Variants in GRIK1 observed in about 807,000 individuals in gnomAD.
The protein encoded by GRIK1 is glutamate ionotropic receptor kainate type subunit 1.
In GRIK1, 69 loss-of-function variants were observed where a neutral mutation model predicts 105.7. That is an observed-to-expected ratio of 0.65 (90% confidence interval 0.54 to 0.80). GRIK1 has a LOEUF of 0.80. Ranked by LOEUF, GRIK1 falls within the 30% of genes least tolerant of loss-of-function variation. The pLI, the probability that GRIK1 is intolerant of heterozygous loss-of-function variation, is 0.00. For synonymous variants in GRIK1, 438 were observed against 431.3 expected, an observed-to-expected ratio of 1.02 and a Z score of -0.19; for missense variants, 1,109 against 1,167.3, an observed-to-expected ratio of 0.95 and a Z score of 0.73.
In GRIK1 at chr21:29,661,439, CT is replaced by C. The variant is rs560964889; in HGVS notation, c.727-6577del. On this transcript the variant is annotated intron_variant, in intron 4 of 17. Coordinates refer to ENST00000327783, the MANE Select transcript of GRIK1 (RefSeq NM_001330994.2). ...GTAGTCACAATGAAAACAGCAGGGT[CT>C]TAAGGCAGAGAAGGTGTAAATGGGA... Among the ~76,000 whole-genome samples, 4 of 152,000 alleles carry C rather than the reference CT, an allele frequency of 2.6e-5. No individual in the cohort carries two copies. The South Asian group carries it at 8.3e-4, about 32-fold the overall frequency.
At chr21:29,686,294 C>T (rs954446701) in intron 3 of GRIK1, among the ~76,000 whole-genome samples, 2 of 152,106 alleles carry the variant, frequency 1.3e-5, no homozygotes, top group African/African-American at 4.8e-5. Flanking sequence ...ATCTGTTCCC[C>T]CAACACTTCT....
At chr21:29,716,233 A>G (rs2064173962) in intron 1 of GRIK1, among the ~76,000 whole-genome samples, 2 of 152,180 alleles carry the variant, frequency 1.3e-5, no homozygotes, top group South Asian at 4.1e-4. Context: ...CATCTCAGGT[A>G]TTTCTTCATG....
At chr21:29,612,860 A>G (rs1490652421) in intron 7 of GRIK1, among the ~76,000 whole-genome samples, 1 of 152,230 alleles carries the variant, frequency 6.6e-6, no homozygotes, top group Non-Finnish European at 1.5e-5. Flanking sequence ...TAAACCTGAC[A>G]TTGTAAACAA....
Position 29,693,900 on chromosome 21 carries a change from C to T in GRIK1, c.282G>A (p.Arg94=), listed in dbSNP as rs758529359. The T allele has an allele frequency of 1.2e-6, 2 of 1,611,220 alleles. No homozygotes were observed. Among genetic ancestry groups the T allele is most frequent in the Non-Finnish European group, 1.7e-6 (2 of 1,177,662 alleles). The change falls in exon 2 of 18, where the codon CGG becomes CGA. Residue 94 remains arginine, a synonymous_variant. Coordinates refer to ENST00000327783, the MANE Select transcript of GRIK1 (RefSeq NM_001330994.2). The part of the protein sequence containing the change: ...INLFDSFEAS[R]RACDQLALGV... Reference sequence around the variant, plus strand: ...TAAAAGTGGGAAAATAGTTACCTCTCCGCGAGGCTTCAAAACTATCAAAAA... The same window carrying T: ...TAAAAGTGGGAAAATAGTTACCTCTTCGCGAGGCTTCAAAACTATCAAAAA...
intron 9 of GRIK1, among the ~76,000 whole-genome samples, chr21:29,594,043 C>G (rs1458242164): frequency 1.3e-5 from 2 of 152,320 alleles, no homozygotes; most frequent in East Asian, 3.9e-4. Flanking sequence ...GAGGGACCTA[C>G]AGAAGGTCCT....
At chr21:29,576,306 C>T (rs1428839443) in intron 14 of GRIK1, among the ~76,000 whole-genome samples, 1 of 152,144 alleles carries the variant, frequency 6.6e-6, no homozygotes, top group African/African-American at 2.4e-5. Context: ...ATTAAAAAGA[C>T]CTCAACAATG....
intron 14 of GRIK1, among the ~76,000 whole-genome samples, chr21:29,575,811 G>A (rs1208845250): frequency 6.6e-6 from 1 of 152,050 alleles, no homozygotes; most frequent in Admixed American, 6.6e-5. Context: ...CAGCCTGGGC[G>A]ACAGAGCGAG....
chr21:29,612,767 C>G (rs2061757420), intron 7 of GRIK1, among the ~76,000 whole-genome samples: 1 of 152,180 alleles, frequency 6.6e-6, no homozygotes, highest in Admixed American at 6.5e-5. Context: ...CAAAAAGAAT[C>G]ACATTGCATT....
At chr21:29,662,606 T>A (rs1198219031) in intron 4 of GRIK1, among the ~76,000 whole-genome samples, 1 of 152,126 alleles carries the variant, frequency 6.6e-6, no homozygotes, top group Admixed American at 6.5e-5. Flanking sequence ...CAAATTTGCT[T>A]GAAAGTCACC....
At chr21:29,697,561 G>T in intron 1 of GRIK1, among the ~76,000 whole-genome samples, 1 of 152,030 alleles carries the variant, frequency 6.6e-6, no homozygotes, top group Non-Finnish European at 1.5e-5. Context: ...TTCAAGAGAG[G>T]GTTGCGGATA....
At chr21:29,801,093 C>G (rs2066695611) in intron 1 of GRIK1, among the ~76,000 whole-genome samples, 1 of 151,968 alleles carries the variant, frequency 6.6e-6, no homozygotes. Flanking sequence ...TGTTGAGTAC[C>G]TTGTTGAAGA....
intron 7 of GRIK1, among the ~76,000 whole-genome samples, 161 bp from the exon 8 acceptor site, chr21:29,599,098 A>G (rs2061470208): frequency 6.6e-6 from 1 of 152,256 alleles, no homozygotes; most frequent in African/African-American, 2.4e-5. Flanking sequence ...ATAGCAGAAC[A>G]CATCGTCTTT....
chr21:29,684,325 A>G (rs1158073583), intron 3 of GRIK1, among the ~76,000 whole-genome samples: 1 of 151,976 alleles, frequency 6.6e-6, no homozygotes, highest in African/African-American at 2.4e-5. Flanking sequence ...TCATATATCT[A>G]TTTAGCTGTC....
At chr21:29,812,445 C>A (rs1397990135) in intron 1 of GRIK1, among the ~76,000 whole-genome samples, 1 of 152,076 alleles carries the variant, frequency 6.6e-6, no homozygotes, top group African/African-American at 2.4e-5. Flanking sequence ...GCCATTTGTT[C>A]TTTTTTTAAA....
At chr21:29,618,888 G>C (rs895083078) in intron 7 of GRIK1, among the ~76,000 whole-genome samples, 1 of 152,182 alleles carries the variant, frequency 6.6e-6, no homozygotes, top group Non-Finnish European at 1.5e-5. Flanking sequence ...AGCACTTTGG[G>C]AGGCCGAGGT....
chr21:29,805,912 G>A (rs2066851062), intron 1 of GRIK1, among the ~76,000 whole-genome samples: 3 of 152,100 alleles, frequency 2.0e-5, no homozygotes, highest in Admixed American at 6.6e-5. Context: ...TCATAAATCA[G>A]CATTTCTCCA....
chr21:29,553,523 T>C (rs199875310), intron 16 of GRIK1: 1 of 1,512,612 alleles, frequency 6.6e-7, no homozygotes, highest in African/African-American at 1.4e-5. Context: ...CATTTTCTAC[T>C]GGGCACATCT....
rs183143087 is a variant in GRIK1, at chr21:29,783,626, G to C, written c.119-89563C>G. ...TGAACTCAGTGAGATCAGTAACATA[G>C]GGTTCTGGCTTATATTTTTCCAGCC... On this transcript the variant is annotated intron_variant, in intron 1 of 17. Coordinates refer to ENST00000327783, the MANE Select transcript of GRIK1 (RefSeq NM_001330994.2). 3.2e-3 allele frequency among the ~76,000 whole-genome samples: 485 copies of C among 152,084 alleles called. 3 individuals are homozygous for C. Among genetic ancestry groups the C allele is most frequent in the African/African-American group, 0.011 (472 of 41,508 alleles).
chr21:29,939,254 C>CACTG (rs1435539468), intron 1 of GRIK1, 129 bp downstream of exon 1: 28 of 626,080 alleles, frequency 4.5e-5, no homozygotes, highest in Non-Finnish European at 8.0e-5. Flanking sequence ...CTCCCATGAG[C>CACTG]ACTGACCTCC....
Sources: gnomAD v4.1 joint callset for allele counts (sites outside exome capture counted in the v4.1 genomes callset) on GRCh38, gnomAD v4.1.1 for gene constraint, MANE v1.5 for transcripts, NCBI Gene and HGNC (gene_info 2026-07-23, HGNC 2026-07-21) for gene names.